Variants in CBLN2 observed in about 807,000 individuals in gnomAD.
CBLN2 encodes the protein cerebellin-2.
A neutral mutation model predicts 15.0 loss-of-function variants in CBLN2; 7 were observed. That is an observed-to-expected ratio of 0.47 (90% CI 0.27 to 0.88). CBLN2 has a LOEUF of 0.88. Ranked by LOEUF, CBLN2 falls within the 40% of genes least tolerant of loss-of-function variation. CBLN2 has a pLI of 0.14. For synonymous variants in CBLN2, 149 were observed against 135.2 expected (o/e 1.10, Z -0.71); for missense variants, 242 against 304.5 (o/e 0.79, Z 1.53).
intron 1 of CBLN2, among the ~76,000 whole-genome samples, chr18:72,630,564 C>CAGAGAGAGAGAGAGAGAGAGAG (rs368831135): frequency 0.022 from 2,990 of 135,182 alleles, 72 homozygotes; most frequent in South Asian, 0.057. Context: ...CACACACATG[C>CAGAGAGAGAGAGAGAGAGAGAG]AGAGAGAGAG....
chr18:72,585,365 AG>A (rs1363953490), intron 1 of CBLN2, among the ~76,000 whole-genome samples: 1 of 152,194 alleles, frequency 6.6e-6, no homozygotes. Flanking sequence ...CAAGGTGAAA[AG>A]GTCCTTTACT....
intron 1 of CBLN2, among the ~76,000 whole-genome samples, chr18:72,578,126 G>A (rs1057312048): frequency 1.3e-5 from 2 of 152,164 alleles, no homozygotes; most frequent in Admixed American, 6.5e-5. Flanking sequence ...ACTACCCAGA[G>A]TATTGTTATA....
intron 1 of CBLN2, among the ~76,000 whole-genome samples, chr18:72,558,469 A>G (rs1439732071): frequency 6.6e-6 from 1 of 152,194 alleles, no homozygotes; most frequent in African/African-American, 2.4e-5. Context: ...TTAGCTGAGC[A>G]CTGCAAACCC....
At chr18:72,551,986 G>C (rs886677916) in intron 1 of CBLN2, among the ~76,000 whole-genome samples, 4 of 151,982 alleles carry the variant, frequency 2.6e-5, no homozygotes, top group African/African-American at 9.7e-5. Flanking sequence ...GTATGTGATT[G>C]TGTTACCCAG....
chr18:72,638,258 T>C (rs999087479), intron 1 of CBLN2: 1 of 398,546 alleles, frequency 2.5e-6, no homozygotes. Flanking sequence ...TTCCACAGTC[T>C]TTGGGAGCTG....
chr18:72,537,259 T>A lies in CBLN2; in HGVS notation c.*917A>T, dbSNP rs2069070130. On this transcript the variant is annotated 3_prime_UTR_variant, in exon 5 of 5. Transcript: ENST00000269503. ...TTCTGAAGTATAAATTAAAAAAAAATGCAGGTTGCTATTAATAGTTCTAAA... is the reference window on the plus strand; with the variant it reads ...TTCTGAAGTATAAATTAAAAAAAAAAGCAGGTTGCTATTAATAGTTCTAAA... 1 of 152,106 alleles carries A rather than the reference T, an allele frequency of 6.6e-6. No homozygotes were observed. Among genetic ancestry groups the A allele is most frequent in the Non-Finnish European group, 1.5e-5 (1 of 68,008 alleles). 9.4% of individuals were successfully genotyped at this position (152,106 alleles called of 1,614,324 possible).
upstream of CBLN2, chr18:72,544,509 G>A (rs1489428310): frequency 6.6e-6 from 1 of 152,258 alleles, no homozygotes; most frequent in Non-Finnish European, 1.5e-5. Context: ...CCCTGCCGCA[G>A]GCTGCGGACC....
Position 72,537,882 on chromosome 18 carries a change from A to G in CBLN2, c.*294T>C. 2.3e-6 allele frequency: 1 copy of G among 433,674 alleles called. No individual in the cohort carries two copies. The highest frequency in any genetic ancestry group is 4.2e-6 in the Non-Finnish European group (1 of 237,164). The allele number at this position is 433,674 out of a possible 1,614,324, so 26.9% of individuals were successfully genotyped here. A position where few individuals can be genotyped will look rare whatever the true frequency, so the allele number is the denominator to read the frequency against. ...AAAGAGGTCCATGGTCCCAACAATA[A>G]AATCCGATATTGACTTTACAATCAC... On this transcript the variant is annotated 3_prime_UTR_variant, in exon 5 of 5. Transcript: ENST00000269503.
At chr18:72,630,236 C>T (rs2069765956) in intron 1 of CBLN2, among the ~76,000 whole-genome samples, 1 of 152,130 alleles carries the variant, frequency 6.6e-6, no homozygotes, top group Middle Eastern at 3.4e-3. Flanking sequence ...ACTGGGGGTA[C>T]AAAGGTGGAC....
intron 1 of CBLN2, among the ~76,000 whole-genome samples, chr18:72,612,598 T>C (rs62089070): frequency 0.21 from 31,686 of 152,000 alleles, 5,108 homozygotes; most frequent in African/African-American, 0.46. Context: ...TAAAAAACAT[T>C]GCCTCTCTGC....
At chr18:72,570,009 G>A (rs781768507) in intron 1 of CBLN2, among the ~76,000 whole-genome samples, 1 of 152,134 alleles carries the variant, frequency 6.6e-6, no homozygotes, top group South Asian at 2.1e-4. Context: ...ACATTTAAAG[G>A]CTTAGAGGAT....
intron 1 of CBLN2, among the ~76,000 whole-genome samples, chr18:72,602,516 C>G (rs183729439): frequency 2.0e-5 from 3 of 152,228 alleles, no homozygotes; most frequent in Admixed American, 2.0e-4. Context: ...CATGAAAACA[C>G]GCTGTGATAG....
intron 1 of CBLN2, among the ~76,000 whole-genome samples, chr18:72,583,892 A>G (rs2069423659): frequency 6.6e-6 from 1 of 152,212 alleles, no homozygotes; most frequent in Admixed American, 6.5e-5. Flanking sequence ...GTCACACTTG[A>G]AAGCCATTGA....
chr18:72,574,169 A>T (rs536965259), intron 1 of CBLN2, among the ~76,000 whole-genome samples: 2 of 152,106 alleles, frequency 1.3e-5, no homozygotes, highest in African/African-American at 2.4e-5. Context: ...AGAATTCTTT[A>T]TATTTTTGAT....
intron 1 of CBLN2, among the ~76,000 whole-genome samples, chr18:72,604,354 C>G (rs1390575599): frequency 6.6e-6 from 1 of 152,112 alleles, no homozygotes; most frequent in African/African-American, 2.4e-5. Flanking sequence ...TTTAGATTCT[C>G]CAGTATTCTA....
chr18:72,615,166 TAA>T (rs1370775347), intron 1 of CBLN2, among the ~76,000 whole-genome samples: 1 of 133,470 alleles, frequency 7.5e-6, no homozygotes, highest in African/African-American at 2.8e-5. Context: ...AAAATATATA[TAA>T]ATATATATTT....
At chr18:72,593,843 C>T (rs1441300178) in intron 1 of CBLN2, among the ~76,000 whole-genome samples, 1 of 152,094 alleles carries the variant, frequency 6.6e-6, no homozygotes, top group African/African-American at 2.4e-5. Flanking sequence ...CATAAGTTTA[C>T]TGCAGCACTG....
chr18:72,575,241 T>C (rs1181715479), intron 1 of CBLN2, among the ~76,000 whole-genome samples: 3 of 152,044 alleles, frequency 2.0e-5, no homozygotes, highest in Non-Finnish European at 4.4e-5. Context: ...AAGTCAGAGA[T>C]TGGCCATGGC....
chr18:72,575,295 A>T (rs549379602), intron 1 of CBLN2, among the ~76,000 whole-genome samples: 4 of 152,106 alleles, frequency 2.6e-5, no homozygotes, highest in African/African-American at 7.2e-5. Flanking sequence ...AGATCATCAG[A>T]AGAGAGGATT....
Sources: allele counts gnomAD v4.1 joint callset (sites outside exome capture counted in the v4.1 genomes callset), GRCh38; gene constraint gnomAD v4.1.1; transcripts MANE v1.5; gene names NCBI Gene and HGNC (gene_info 2026-07-23, HGNC 2026-07-21).